IRF4: variants seen among roughly 807,000 people sequenced by gnomAD.
The protein encoded by IRF4 is lymphocyte-specific interferon regulatory factor.
IRF4 carries 13 observed loss-of-function variants against 55.5 expected under a neutral mutation model. That is an observed-to-expected ratio of 0.23 (90% CI 0.15 to 0.37). IRF4 has a LOEUF of 0.37. Among genes scored for constraint, IRF4 ranks in the 10% least tolerant of loss-of-function variants. The pLI, the probability that IRF4 is intolerant of heterozygous loss-of-function variation, is 1.00. For missense variants in IRF4, 397 were observed against 593.8 expected (o/e 0.67, Z 3.44); for synonymous variants, 249 against 240.7 (o/e 1.03, Z -0.32).
In IRF4 at chr6:401,623, G is replaced by C; in HGVS notation, c.945G>C (p.Val315=). 1 of 1,614,182 alleles carries C rather than the reference G, an allele frequency of 6.2e-7. No homozygotes were observed. The change falls in exon 7 of 9, where the codon GTG becomes GTC. Residue 315 remains valine (V), a synonymous_variant. Transcript: ENST00000380956. ...EKLLSHLERG[V]VLWMAPDGLY... ...TGCTGAGCCACCTGGAGAGGGGCGTGGTCCTCTGGATGGCCCCCGACGGGC... is the reference window on the plus strand; with the variant it reads ...TGCTGAGCCACCTGGAGAGGGGCGTCGTCCTCTGGATGGCCCCCGACGGGC...
At position 393,494 on chromosome 6, in the gene IRF4, G is replaced by A; in HGVS notation, c.216+126G>A. Reference sequence around the variant, plus strand: ...CGGGGCGGACGGGCGGGCGGCGGAGGCATCAGGTGGCGTCGCCGGAGCCGC... The same window carrying A: ...CGGGGCGGACGGGCGGGCGGCGGAGACATCAGGTGGCGTCGCCGGAGCCGC... On this transcript the variant is annotated intron_variant, in intron 2 of 8. Transcript: ENST00000380956. The surrounding 1 kb of genome is among the most constrained non-coding windows in gnomAD (Gnocchi z 5.4). 1 of 613,378 alleles carries A rather than the reference G, an allele frequency of 1.6e-6. No individual in the cohort carries two copies. Among genetic ancestry groups the A allele is most frequent in the Non-Finnish European group, 2.4e-6 (1 of 418,766 alleles). 38.0% of individuals were successfully genotyped at this position (613,378 alleles called of 1,614,324 possible).
chr6:407,363 A>G, intron 8 of IRF4, 92 bp from the exon 9 acceptor site: 1 of 1,224,696 alleles, frequency 8.2e-7, no homozygotes, highest in Non-Finnish European at 1.2e-6. Flanking sequence ...TTTGGGCTTT[A>G]CGTTACTGTC....
At chr6:395,742 G>A in intron 3 of IRF4, 105 bp from the exon 4 acceptor site, 1 of 804,920 alleles carries the variant, frequency 1.2e-6, no homozygotes, top group Admixed American at 2.3e-5. Flanking sequence ...ACCGTGTTAT[G>A]CATTCTAAGA....
chr6:402,216 G>A (rs1761421834), intron 7 of IRF4, among the ~76,000 whole-genome samples: 1 of 152,192 alleles, frequency 6.6e-6, no homozygotes, highest in African/African-American at 2.4e-5. Flanking sequence ...GGAGTGGACT[G>A]TACTGGTTTT....
At position 393,043 on chromosome 6, in the gene IRF4, C is replaced by T. The variant is rs1474665895; in HGVS notation, c.-55-55C>T. The stretch of plus-strand genomic sequence containing the variant: ...TGGTCACTGGCGCAGGGGATCGGGG[C>T]GGGGTGCCCGGAGTGCGGTGCCTCG... On this transcript the variant is annotated intron_variant, in intron 1 of 8. Coordinates refer to ENST00000380956, the MANE Select transcript of IRF4 (RefSeq NM_002460.4). The surrounding 1 kb of genome is among the most constrained non-coding windows in gnomAD (Gnocchi z 5.4). 55 of 1,002,890 alleles carry T rather than the reference C, an allele frequency of 5.5e-5. No individual in the cohort carries two copies. The highest frequency in any genetic ancestry group is 7.4e-5 in the Non-Finnish European group (51 of 693,702). The allele number at this position is 1,002,890 out of a possible 1,614,324, so 62.1% of individuals were successfully genotyped here.
chr6:394,214 T>A (rs1426450897), intron 2 of IRF4, among the ~76,000 whole-genome samples: 1 of 152,216 alleles, frequency 6.6e-6, no homozygotes, highest in African/African-American at 2.4e-5. Flanking sequence ...ACACCACAGC[T>A]GTCCTTAGTC....
In IRF4 at chr6:401,527, C is replaced by T. The variant is rs114916515; in HGVS notation, c.849C>T (p.Asp283=). The T allele has an allele frequency of 4.8e-5, 78 of 1,614,062 alleles. No individual in the cohort carries two copies. Among genetic ancestry groups the T allele is most frequent in the Middle Eastern group, 1.6e-4 (1 of 6,062 alleles). The change falls in exon 7 of 9, where the codon GAC becomes GAT. Residue 283 remains aspartate (D), a synonymous_variant. Transcript: ENST00000380956. The stretch of plus-strand genomic sequence containing the variant: ...GGATCTCCCATGGACATACGTATGA[C>T]GCCAGCAACCTGGACCAGGTCCTGT... ...GCRISHGHTY[D]ASNLDQVLFP...
intron 3 of IRF4, 47 bp from the exon 4 acceptor site, chr6:395,800 G>C (rs140663357): frequency 2.9e-6 from 4 of 1,400,076 alleles, no homozygotes; most frequent in South Asian, 2.4e-5. Context: ...AGTTAGGTCA[G>C]TTCCTGTTTT....
intron 7 of IRF4, 76 bp from the exon 8 acceptor site, chr6:404,942 C>G: frequency 1.1e-6 from 1 of 901,718 alleles, no homozygotes; most frequent in South Asian, 1.4e-5. Flanking sequence ...ACAGTAAGCT[C>G]TTGCTTCCTG....
chr6:405,022 G>A lies in IRF4; in HGVS notation c.1104G>A (p.Leu368=), dbSNP rs995498990. The A allele has an allele frequency of 1.2e-5, 19 of 1,609,266 alleles. No homozygotes were observed. The highest frequency in any genetic ancestry group is 1.6e-4 in the Middle Eastern group (1 of 6,074). ...LFDTQQFLSE[L]QAFAHHGRSL... is the part of the protein sequence containing the mutation. ...CTTTCTTGTGGGCTTCTACAGAGCTGCAAGCGTTTGCTCACCACGGCCGCT... is the reference window on the plus strand; with the variant it reads ...CTTTCTTGTGGGCTTCTACAGAGCTACAAGCGTTTGCTCACCACGGCCGCT... Residue 368 remains leucine, a synonymous_variant, in exon 8 of 9, where the codon CTG becomes CTA. Coordinates refer to ENST00000380956, the MANE Select transcript of IRF4 (RefSeq NM_002460.4).
chr6:401,998 G>A (rs1265939650), intron 7 of IRF4, among the ~76,000 whole-genome samples: 1 of 152,206 alleles, frequency 6.6e-6, no homozygotes, highest in Admixed American at 6.5e-5. Context: ...GGCTCAGGCT[G>A]TTCTCTTGCA....
Position 398,874 on chromosome 6 carries a change from C to G in IRF4, c.684C>G (p.Ser228=). 1 of 1,613,708 alleles carries G rather than the reference C, an allele frequency of 6.2e-7. No homozygotes were observed. Among genetic ancestry groups the G allele is most frequent in the Non-Finnish European group, 8.5e-7 (1 of 1,179,862 alleles). ...GTFYACAPPE[S]QAPGVPTEPS... is the part of the protein sequence containing the mutation. The stretch of plus-strand genomic sequence containing the variant: ...TTTATGCTTGTGCCCCACCTGAGTC[C>G]CAGGCTCCCGGAGTCCCCACAGAGC... Residue 228 remains serine, a synonymous_variant, in exon 6 of 9, where the codon TCC becomes TCG. Transcript: ENST00000380956.
chr6:394,961 A>G lies in IRF4; in HGVS notation c.357A>G (p.Ser119=). 1 of 1,613,936 alleles carries G rather than the reference A, an allele frequency of 6.2e-7. No individual in the cohort carries two copies. The highest frequency in any genetic ancestry group is 8.5e-7 in the Non-Finnish European group (1 of 1,179,784). The change falls in exon 3 of 9, where the codon TCA becomes TCG. Residue 119 remains serine, a synonymous_variant. Transcript: ENST00000380956. ...TTGAGCGGAGCCAGCTGGACATCTCAGACCCGTACAAAGTGTACAGGATTG... is the reference window on the plus strand; with the variant it reads ...TTGAGCGGAGCCAGCTGGACATCTCGGACCCGTACAAAGTGTACAGGATTG... The part of the protein sequence containing the change: ...ELVERSQLDI[S]DPYKVYRIVP...
chr6:402,496 G>T (rs1761430647), intron 7 of IRF4, among the ~76,000 whole-genome samples: 1 of 152,150 alleles, frequency 6.6e-6, no homozygotes. Context: ...CTCTTCCTCT[G>T]CCTTTTCCCA....
chr6:401,797 G>A lies in IRF4; in HGVS notation c.1099+20G>A, dbSNP rs771395904. On this transcript the variant is annotated intron_variant, in intron 7 of 8. Coordinates refer to ENST00000380956, the MANE Select transcript of IRF4 (RefSeq NM_002460.4). ...TGTCAGGTAAGGCACCTCGTTATCT[G>A]TTAGAATGGAGGTGGTGATGGCCTG... is the stretch of plus-strand genomic sequence containing the variant. The A allele has an allele frequency of 1.9e-6, 3 of 1,606,890 alleles. No individual in the cohort carries two copies. Among genetic ancestry groups the A allele is most frequent in the Admixed American group, 3.3e-5 (2 of 59,924 alleles).
At chr6:405,984 G>T in intron 8 of IRF4, among the ~76,000 whole-genome samples, 1 of 152,156 alleles carries the variant, frequency 6.6e-6, no homozygotes, top group Non-Finnish European at 1.5e-5. Context: ...TTCTCATCAT[G>T]TTCTAGCTCT....
chr6:391,768 C>T lies in IRF4; in HGVS notation c.-97C>T, dbSNP rs904082714. The T allele has an allele frequency of 1.3e-5, 6 of 454,092 alleles. No homozygotes were observed. Among genetic ancestry groups the T allele is most frequent in the South Asian group, 3.1e-5 (2 of 64,348 alleles). The allele number at this position is 454,092 out of a possible 1,614,324, so 28.1% of individuals were successfully genotyped here. On this transcript the variant is annotated 5_prime_UTR_variant, in exon 1 of 9. Coordinates refer to ENST00000380956, the MANE Select transcript of IRF4 (RefSeq NM_002460.4). The stretch of plus-strand genomic sequence containing the variant: ...CGCACTCTCAGTTTCACCGCTCGAT[C>T]TTGGGACCCACCGCTGCCCTCAGCT...
In IRF4 at chr6:393,299, C is replaced by G; in HGVS notation, c.147C>G (p.Ile49Met). The change falls in exon 2 of 9, where the codon ATC (isoleucine) becomes ATG (methionine). Residue 49 changes from isoleucine to methionine, a missense_variant. This residue lies in a region of IRF4 where 341 missense variants were observed against 548.1 expected (regional missense o/e 0.62). Coordinates refer to ENST00000380956, the MANE Select transcript of IRF4 (RefSeq NM_002460.4). This position sits in a 1 kb window ranked among gnomAD's most constrained non-coding sequence, Gnocchi z 5.4. ...TGTGGGAGAACGAGGAGAAGAGCAT[C>G]TTCCGCATCCCCTGGAAGCACGCGG... ...GLVWENEEKS[I>M]FRIPWKHAGK... The G allele has an allele frequency of 3.7e-6, 6 of 1,608,012 alleles. No individual in the cohort carries two copies. Among genetic ancestry groups the G allele is most frequent in the Non-Finnish European group, 5.1e-6 (6 of 1,177,550 alleles).
chr6:393,297 A>G lies in IRF4; in HGVS notation c.145A>G (p.Ile49Val). The G allele has an allele frequency of 6.2e-7, 1 of 1,607,784 alleles. No individual in the cohort carries two copies. Among genetic ancestry groups the G allele is most frequent in the Non-Finnish European group, 8.5e-7 (1 of 1,177,436 alleles). ...GGTGTGGGAGAACGAGGAGAAGAGCATCTTCCGCATCCCCTGGAAGCACGC... is the reference window on the plus strand; with the variant it reads ...GGTGTGGGAGAACGAGGAGAAGAGCGTCTTCCGCATCCCCTGGAAGCACGC... ...GLVWENEEKSIFRIPWKHAGK... is the reference protein window; with the variant it reads ...GLVWENEEKSVFRIPWKHAGK... Residue 49 changes from isoleucine (I) to valine (V), a missense_variant, in exon 2 of 9, where the codon ATC becomes GTC. Physicochemically the swap from Ile to Val is conservative, Grantham distance 29. Transcript: ENST00000380956. The surrounding 1 kb of genome is among the most constrained non-coding windows in gnomAD (Gnocchi z 5.4).
Sources: allele counts gnomAD v4.1 joint callset (sites outside exome capture counted in the v4.1 genomes callset), GRCh38; gene constraint gnomAD v4.1.1; regional missense constraint gnomAD v4.1.1; non-coding constraint Gnocchi (gnomAD v3.1); transcripts MANE v1.5; gene names NCBI Gene and HGNC (gene_info 2026-07-23, HGNC 2026-07-21).